Variants in CDH13 observed in about 807,000 individuals in gnomAD.
CDH13 encodes cadherin-13.
In CDH13, 24 loss-of-function variants were observed where a neutral mutation model predicts 63.8. The observed-to-expected ratio is 0.38, with a 90% confidence interval of 0.27 to 0.53. The LOEUF is 0.53. Among genes scored for constraint, CDH13 ranks in the 20% least tolerant of loss-of-function variants. The pLI, the probability that CDH13 is intolerant of heterozygous loss-of-function variation, is 0.85. For missense variants in CDH13, 1,049 were observed against 903.1 expected (o/e 1.16, Z -2.07); for synonymous variants, 503 against 355.3 (o/e 1.42, Z -4.67).
At position 83,584,661 on chromosome 16, in the gene CDH13, A is replaced by G. The variant is rs529043403; in HGVS notation, c.961-17793A>G. ...CTCGATAGTGTCCAGGAGCTTCTGT[A>G]GGATGTAGTGTTATGATGCTGAGAC... On this transcript the variant is annotated intron_variant, in intron 7 of 13. Coordinates refer to ENST00000567109, the MANE Select transcript of CDH13 (RefSeq NM_001257.5). 2.6e-5 allele frequency among the ~76,000 whole-genome samples: 4 copies of G among 152,308 alleles called. No individual in the cohort carries two copies. In the South Asian group the frequency reaches 8.3e-4, roughly 32 times the overall value.
intron 8 of CDH13, among the ~76,000 whole-genome samples, chr16:83,646,702 A>AC (rs1403125359): frequency 0.015 from 900 of 58,674 alleles, 14 homozygotes; most frequent in African/African-American, 0.063. Flanking sequence ...CAAAAAAAAA[A>AC]AAAAAAAAAA....
At chr16:83,680,794 G>A (rs1915341500) in intron 10 of CDH13, among the ~76,000 whole-genome samples, 1 of 151,936 alleles carries the variant, frequency 6.6e-6, no homozygotes, top group Admixed American at 6.6e-5. Context: ...ATGCCAAAAG[G>A]GGTCCTGCTT....
chr16:83,598,315 T>C (rs1907465346), intron 7 of CDH13, among the ~76,000 whole-genome samples: 1 of 152,132 alleles, frequency 6.6e-6, no homozygotes, highest in African/African-American at 2.4e-5. Flanking sequence ...CAGTGAACCA[T>C]GACCACATCA....
At chr16:82,718,872 C>G (rs969533650) in intron 1 of CDH13, among the ~76,000 whole-genome samples, 5 of 152,122 alleles carry the variant, frequency 3.3e-5, no homozygotes, top group African/African-American at 1.2e-4. Context: ...GATGGGGACA[C>G]AGCTAAATCA....
chr16:83,487,791 T>C (rs1375507220), intron 7 of CDH13, among the ~76,000 whole-genome samples: 2 of 152,204 alleles, frequency 1.3e-5, no homozygotes, highest in African/African-American at 2.4e-5. Context: ...TCCCCCTCAG[T>C]GTTTTTGATG....
chr16:83,402,207 G>T lies in CDH13; in HGVS notation c.781+57201G>T, dbSNP rs1318256590. Among the ~76,000 whole-genome samples, 3 of 152,046 alleles carry T rather than the reference G, an allele frequency of 2.0e-5. No homozygotes were observed. The East Asian group carries it at 5.8e-4, about 29-fold the overall frequency. On this transcript the variant is annotated intron_variant, in intron 6 of 13. Coordinates refer to ENST00000567109, the MANE Select transcript of CDH13 (RefSeq NM_001257.5). Reference sequence around the variant, plus strand: ...TACTCCTACTATTACTCCTCCTCTTGCTGCTGCTGCTAAAGTAGCAAAACT... The same window carrying T: ...TACTCCTACTATTACTCCTCCTCTTTCTGCTGCTGCTAAAGTAGCAAAACT...
chr16:83,371,487 T>C (rs2091366314), intron 6 of CDH13, among the ~76,000 whole-genome samples: 1 of 152,220 alleles, frequency 6.6e-6, no homozygotes, highest in South Asian at 2.1e-4. Context: ...ATGTCAGCCA[T>C]GTATACATCT....
intron 4 of CDH13, among the ~76,000 whole-genome samples, chr16:83,184,829 C>T (rs550516514): frequency 1.3e-5 from 2 of 151,910 alleles, no homozygotes; most frequent in South Asian, 4.2e-4. Context: ...CGTAGCAGTC[C>T]CTGCTCCAGA....
At chr16:83,609,138 A>T (rs1004202110) in intron 8 of CDH13, among the ~76,000 whole-genome samples, 1 of 152,220 alleles carries the variant, frequency 6.6e-6, no homozygotes, top group Admixed American at 6.5e-5. Flanking sequence ...AGCTATGCCA[A>T]GCTTGTTCAA....
chr16:83,673,561 C>G (rs891950781), intron 9 of CDH13, among the ~76,000 whole-genome samples: 7 of 130,690 alleles, frequency 5.4e-5, no homozygotes, highest in African/African-American at 2.4e-4. Flanking sequence ...CAGAGTGAGA[C>G]TCTGTCTCAA....
chr16:82,657,496 A>G (rs116868691), intron 1 of CDH13, among the ~76,000 whole-genome samples: 6,199 of 152,318 alleles, frequency 0.041, 173 homozygotes, highest in Non-Finnish European at 0.063. Context: ...CATGCAACTC[A>G]GAACAGCATG....
In CDH13 at chr16:83,024,713, T is replaced by C. The variant is rs942569656; in HGVS notation, c.158-7297T>C. Among the ~76,000 whole-genome samples the C allele has an allele frequency of 3.3e-5, 5 of 152,248 alleles. No individual in the cohort carries two copies. The South Asian group carries it at 1.0e-3, about 32-fold the overall frequency. On this transcript the variant is annotated intron_variant, in intron 2 of 13. Transcript: ENST00000567109. ...ACAGTGTAATGTAATGTCATTACTT[T>C]AGGAAAACTCTTGCCTTACATTTGT...
intron 2 of CDH13, among the ~76,000 whole-genome samples, chr16:83,013,520 A>G (rs1914370370): frequency 6.6e-6 from 1 of 152,176 alleles, no homozygotes; most frequent in African/African-American, 2.4e-5. Flanking sequence ...ATCTGTACAC[A>G]CCTCAAACCC....
At chr16:82,744,065 G>C (rs1337345503) in intron 1 of CDH13, among the ~76,000 whole-genome samples, 4 of 152,154 alleles carry the variant, frequency 2.6e-5, no homozygotes, top group Admixed American at 1.3e-4. Context: ...TTAATGGAGA[G>C]ATTAAAGAAA....
rs190641904 is a variant in CDH13 at position 82,814,297 on chromosome 16, G to A, written c.46-44065G>A. 5.9e-5 allele frequency among the ~76,000 whole-genome samples: 9 copies of A among 152,212 alleles called. No individual in the cohort carries two copies. The East Asian group carries it at 1.7e-3, about 29-fold the overall frequency. The stretch of plus-strand genomic sequence containing the variant: ...TGATAGGAGCATCTTTTGCTCTAAT[G>A]AGTTGACTTGTGCTGGGCTCCTGGA... On this transcript the variant is annotated intron_variant, in intron 1 of 13. Transcript: ENST00000567109.
chr16:83,167,216 G>C (rs960981832), intron 4 of CDH13, among the ~76,000 whole-genome samples: 5 of 150,496 alleles, frequency 3.3e-5, no homozygotes, highest in African/African-American at 9.8e-5. Flanking sequence ...AAAAAAAAAG[G>C]CCGGGCACAG....
intron 10 of CDH13, among the ~76,000 whole-genome samples, chr16:83,705,774 C>T (rs955070197): frequency 3.3e-5 from 5 of 152,190 alleles, no homozygotes; most frequent in Non-Finnish European, 2.9e-5. Context: ...ACCATTCATT[C>T]TACATCTGAC....
chr16:82,757,103 A>T (rs1567504024), intron 1 of CDH13, among the ~76,000 whole-genome samples: 2 of 152,062 alleles, frequency 1.3e-5, no homozygotes, highest in Non-Finnish European at 2.9e-5. Context: ...CTCTTCCCAC[A>T]CAACTCTTAG....
chr16:82,673,300 A>C (rs894315644), intron 1 of CDH13, among the ~76,000 whole-genome samples: 61 of 152,040 alleles, frequency 4.0e-4, no homozygotes, highest in African/African-American at 1.5e-3. Flanking sequence ...CCATTCATTC[A>C]TTCATTCAAT....
Sources: allele counts gnomAD v4.1 joint callset (sites outside exome capture counted in the v4.1 genomes callset), GRCh38; gene constraint gnomAD v4.1.1; transcripts MANE v1.5; gene names NCBI Gene and HGNC (gene_info 2026-07-23, HGNC 2026-07-21).